MALRD1: variants seen among roughly 807,000 people sequenced by gnomAD.
MALRD1 encodes MAM and LDL receptor class A domain containing 1, also known as MAM and LDL-receptor class A domain-containing protein 1.
Under a neutral mutation model 242.1 loss-of-function variants are expected in MALRD1, and 247 were observed. The observed-to-expected ratio is 1.02, with a 90% CI of 0.92 to 1.13. MALRD1 has a LOEUF of 1.13. Among genes scored for constraint, MALRD1 ranks in the 50% most tolerant of loss-of-function variants. The probability of loss-of-function intolerance (pLI) is 0.00; values close to 1 mark genes in which losing one functional copy is unlikely to be tolerated. For missense variants in MALRD1, 2,989 were observed against 2,533.1 expected (o/e 1.18, Z -3.86); for synonymous variants, 995 against 866.6 (o/e 1.15, Z -2.60).
intron 19 of MALRD1, among the ~76,000 whole-genome samples, chr10:19,271,792 C>T (rs1437240304): frequency 6.6e-6 from 1 of 151,966 alleles, no homozygotes; most frequent in Non-Finnish European, 1.5e-5. Flanking sequence ...CTCATTTAAT[C>T]ACATAACAAC....
chr10:19,218,325 G>A (rs1837414807), intron 18 of MALRD1, among the ~76,000 whole-genome samples: 1 of 152,088 alleles, frequency 6.6e-6, no homozygotes, highest in African/African-American at 2.4e-5. Context: ...GTGGAACCCT[G>A]AATATGCTAA....
At chr10:19,654,533 G>A (rs1841051184) in intron 36 of MALRD1, among the ~76,000 whole-genome samples, 1 of 152,138 alleles carries the variant, frequency 6.6e-6, no homozygotes, top group Admixed American at 6.6e-5. Flanking sequence ...GAAGTTGCTT[G>A]TTCTGACTAT....
At chr10:19,249,308 T>C (rs1419800425) in intron 18 of MALRD1, among the ~76,000 whole-genome samples, 2 of 151,682 alleles carry the variant, frequency 1.3e-5, no homozygotes, top group African/African-American at 2.4e-5. Flanking sequence ...AACTAGGCCA[T>C]GTAAGGAAGA....
At chr10:19,103,460 C>T (rs923802247) in intron 4 of MALRD1, among the ~76,000 whole-genome samples, 3 of 148,580 alleles carry the variant, frequency 2.0e-5, no homozygotes, top group African/African-American at 7.4e-5. Flanking sequence ...ACTCGGGAGG[C>T]TGAGGCAGGA....
chr10:19,087,786 GT>G (rs1426343654), intron 2 of MALRD1, 53 bp from the exon 3 acceptor site: 1 of 867,336 alleles, frequency 1.2e-6, no homozygotes, highest in African/African-American at 1.8e-5. Context: ...CAAATAGTAG[GT>G]CTTATTCATT....
chr10:19,643,658 C>T (rs1840508948), intron 36 of MALRD1, among the ~76,000 whole-genome samples: 1 of 152,146 alleles, frequency 6.6e-6, no homozygotes, highest in African/African-American at 2.4e-5. Flanking sequence ...AAAGTGTAGA[C>T]ACCAGTATGT....
At chr10:19,392,003 G>A (rs1846359457) in intron 28 of MALRD1, among the ~76,000 whole-genome samples, 1 of 152,174 alleles carries the variant, frequency 6.6e-6, no homozygotes. Context: ...GCCTGAAGAA[G>A]CATCTGTCAT....
intron 31 of MALRD1, among the ~76,000 whole-genome samples, chr10:19,519,764 AAAC>A (rs1214132930): frequency 3.9e-5 from 6 of 152,188 alleles, no homozygotes; most frequent in Non-Finnish European, 7.4e-5. Flanking sequence ...GTGCCTTCTC[AAAC>A]AACAATAACA....
At chr10:19,069,903 T>G (rs1051721690) in intron 2 of MALRD1, among the ~76,000 whole-genome samples, 1 of 152,150 alleles carries the variant, frequency 6.6e-6, no homozygotes, top group African/African-American at 2.4e-5. Context: ...TCTGCCAATT[T>G]TGAAAAGTAT....
intron 31 of MALRD1, among the ~76,000 whole-genome samples, chr10:19,515,862 A>G (rs1427234702): frequency 6.6e-6 from 1 of 152,122 alleles, no homozygotes; most frequent in Non-Finnish European, 1.5e-5. Context: ...GCCACCGTGC[A>G]TGGCCAACTT....
At chr10:19,692,886 T>TATATATATATATATATATA (rs373717863) in intron 38 of MALRD1, among the ~76,000 whole-genome samples, 12 of 136,854 alleles carry the variant, frequency 8.8e-5, no homozygotes, top group East Asian at 6.3e-4. Context: ...TATATATATA[T>TATATATATATATATATATA]AATTTCATCC....
At chr10:19,436,132 T>A (rs897633666) in intron 28 of MALRD1, among the ~76,000 whole-genome samples, 2 of 152,122 alleles carry the variant, frequency 1.3e-5, no homozygotes, top group Admixed American at 1.3e-4. Context: ...TCTTGTAGAT[T>A]GCAAGACCAA....
At chr10:19,364,024 G>A (rs573295345) in intron 26 of MALRD1, among the ~76,000 whole-genome samples, 63 of 152,102 alleles carry the variant, frequency 4.1e-4, no homozygotes, top group African/African-American at 1.4e-3. Context: ...AGAATCCTAG[G>A]GCATGATGGA....
intron 21 of MALRD1, among the ~76,000 whole-genome samples, chr10:19,321,144 A>G (rs1029028440): frequency 2.6e-5 from 4 of 152,084 alleles, no homozygotes; most frequent in Admixed American, 2.6e-4. Context: ...GTCTTTGCCC[A>G]TGCTTGTGTC....
intron 38 of MALRD1, among the ~76,000 whole-genome samples, chr10:19,702,862 T>A (rs1235235658): frequency 6.6e-6 from 1 of 152,154 alleles, no homozygotes; most frequent in Admixed American, 6.5e-5. Context: ...TTCATTAAAT[T>A]TTGTACAAAG....
At chr10:19,532,151 A>AT (rs745515102) in intron 32 of MALRD1, among the ~76,000 whole-genome samples, 16 of 152,240 alleles carry the variant, frequency 1.1e-4, no homozygotes, top group Middle Eastern at 3.4e-3. Context: ...AGGTAAGTAT[A>AT]TTTTTTCCCA....
At chr10:19,186,047 T>C (rs1835724600) in intron 14 of MALRD1, among the ~76,000 whole-genome samples, 1 of 152,136 alleles carries the variant, frequency 6.6e-6, no homozygotes, top group Non-Finnish European at 1.5e-5. Context: ...TTCTATCTTA[T>C]GTTCTTTTTC....
intron 31 of MALRD1, among the ~76,000 whole-genome samples, chr10:19,521,348 A>G (rs937958303): frequency 6.6e-6 from 1 of 152,098 alleles, no homozygotes; most frequent in Admixed American, 6.6e-5. Context: ...TCACCACATC[A>G]TACTTTTTGT....
intron 29 of MALRD1, among the ~76,000 whole-genome samples, chr10:19,466,561 C>A (rs988909123): frequency 6.6e-6 from 1 of 152,136 alleles, no homozygotes; most frequent in African/African-American, 2.4e-5. Context: ...AAAGTGTTAG[C>A]AGGCTTGGTT....
Sources: allele counts gnomAD v4.1 joint callset (sites outside exome capture counted in the v4.1 genomes callset), GRCh38; gene constraint gnomAD v4.1.1; transcripts MANE v1.5; gene names NCBI Gene and HGNC (gene_info 2026-07-23, HGNC 2026-07-21).